Variants in ZNF236 observed in about 807,000 individuals in gnomAD.
The protein encoded by ZNF236 is regulated by glucose.
A neutral mutation model predicts 191.2 loss-of-function variants in ZNF236; 50 were observed. The ratio of observed to expected loss-of-function variants is 0.26; its 90% confidence interval spans 0.21 to 0.33. The LOEUF (loss-of-function observed/expected upper bound fraction) is 0.33, where lower values mean the gene tolerates loss of function less well. ZNF236 is among the 10% of genes least tolerant of loss of function. The pLI is 1.00. For missense variants in ZNF236, 1,754 were observed against 2,374.5 expected (o/e 0.74, Z 5.43); for synonymous variants, 907 against 928.8 (o/e 0.98, Z 0.43).
intron 27 of ZNF236, among the ~76,000 whole-genome samples, chr18:76,949,661 CTTTT>C (rs779360324): frequency 1.4e-5 from 2 of 141,720 alleles, no homozygotes. Flanking sequence ...CATTATTTCT[CTTTT>C]TTTTTTTTTT....
chr18:76,905,975 G>A (rs796757079), intron 13 of ZNF236, among the ~76,000 whole-genome samples: 3 of 152,334 alleles, frequency 2.0e-5, no homozygotes, highest in African/African-American at 7.2e-5. Context: ...CCTATTCGAT[G>A]AGTATTTCTG....
intron 3 of ZNF236, among the ~76,000 whole-genome samples, chr18:76,867,404 CAT>C (rs1029900169): frequency 9.2e-5 from 14 of 151,982 alleles, no homozygotes; most frequent in African/African-American, 3.1e-4. Context: ...TTTCTCAAAA[CAT>C]TTCACTTTTC....
At chr18:76,852,938 A>G (rs1195060168) in intron 3 of ZNF236, among the ~76,000 whole-genome samples, 1 of 152,188 alleles carries the variant, frequency 6.6e-6, no homozygotes, top group Non-Finnish European at 1.5e-5. Context: ...GAGGCAATGA[A>G]CTGCAACTCC....
intron 26 of ZNF236, among the ~76,000 whole-genome samples, chr18:76,941,165 T>C (rs548329970): frequency 6.6e-5 from 10 of 152,222 alleles, no homozygotes; most frequent in Non-Finnish European, 1.2e-4. Flanking sequence ...CCAGGAGCCT[T>C]GTGAGCGGGC....
chr18:76,862,347 C>G (rs1395012142), intron 3 of ZNF236, among the ~76,000 whole-genome samples: 2 of 152,150 alleles, frequency 1.3e-5, no homozygotes, highest in Non-Finnish European at 2.9e-5. Context: ...CAATGAAATG[C>G]CAACTGAAAA....
At chr18:76,854,141 T>C (rs1006938190) in intron 3 of ZNF236, among the ~76,000 whole-genome samples, 2 of 152,190 alleles carry the variant, frequency 1.3e-5, no homozygotes, top group African/African-American at 4.8e-5. Flanking sequence ...CCTCAGCATA[T>C]ACCAAAACAT....
intron 20 of ZNF236, among the ~76,000 whole-genome samples, chr18:76,922,710 C>T (rs904057374): frequency 6.6e-6 from 1 of 152,188 alleles, no homozygotes; most frequent in African/African-American, 2.4e-5. Flanking sequence ...GCGCCTGCCA[C>T]CACTCCCTGT....
chr18:76,905,452 T>C (rs1339591560), intron 13 of ZNF236, 37 bp downstream of exon 13: 1 of 1,600,778 alleles, frequency 6.2e-7, no homozygotes, highest in Admixed American at 1.7e-5. Context: ...TTATCATCTT[T>C]ATAATTTCCA....
Position 76,871,757 on chromosome 18 carries a change from C to T in ZNF236, c.599C>T (p.Ser200Leu), listed in dbSNP as rs1373022142. 4.3e-6 allele frequency: 7 copies of T among 1,614,074 alleles called. No homozygotes were observed. Among genetic ancestry groups the T allele is most frequent in the African/African-American group, 1.3e-5 (1 of 74,918 alleles). The change falls in exon 5 of 31, where the codon TCG (serine) becomes TTG (leucine). Residue 200 changes from serine to leucine, a missense_variant. By Grantham distance (145) the Ser-to-Leu change is moderately radical (BLOSUM62 -2). Transcript: ENST00000320610. ...ATCGACAGAAGTGGATTCACGTATTCGTGTCCGCACTGTGGAAAGACGTTT... is the reference window on the plus strand; with the variant it reads ...ATCGACAGAAGTGGATTCACGTATTTGTGTCCGCACTGTGGAAAGACGTTT... ...RNIDRSGFTY[S>L]CPHCGKTFQK...
Position 76,919,665 on chromosome 18 carries a change from G to C in ZNF236, c.3275-111G>C, listed in dbSNP as rs554324145. 2.1e-4 allele frequency: 276 copies of C among 1,289,826 alleles called. No individual in the cohort carries two copies. In the African/African-American group the frequency reaches 3.8e-3, roughly 18 times the overall value. 79.9% of individuals were successfully genotyped at this position (1,289,826 alleles called of 1,614,324 possible). A position where few individuals can be genotyped will look rare whatever the true frequency, so the allele number is the denominator to read the frequency against. On this transcript the variant is annotated intron_variant, in intron 19 of 30. Transcript: ENST00000320610. The surrounding 1 kb of genome is among the most constrained non-coding windows in gnomAD (Gnocchi z 5.3). ...TCTCTACCATCATAAAAATAGCTTG[G>C]TTGAGTTATTAATTTTCATTACATA... is the stretch of plus-strand genomic sequence containing the variant.
chr18:76,836,298 G>A (rs1599314158), intron 1 of ZNF236, among the ~76,000 whole-genome samples: 1 of 151,626 alleles, frequency 6.6e-6, no homozygotes, highest in Non-Finnish European at 1.5e-5. Flanking sequence ...ATAGCTCACT[G>A]CAGCCCCAAA....
intron 3 of ZNF236, among the ~76,000 whole-genome samples, chr18:76,862,047 TAGAGATGGG>T (rs1976251596): frequency 2.0e-5 from 3 of 152,024 alleles, no homozygotes; most frequent in African/African-American, 7.2e-5. Flanking sequence ...GTATTTTTAG[TAGAGATGGG>T]ATTTCACTGT....
chr18:76,939,755 G>A (rs1245791500), intron 26 of ZNF236, among the ~76,000 whole-genome samples: 1 of 152,162 alleles, frequency 6.6e-6, no homozygotes, highest in Non-Finnish European at 1.5e-5. Context: ...TTGGGAACTC[G>A]GTGGGCGACC....
chr18:76,864,223 A>G (rs1407807505), intron 3 of ZNF236, among the ~76,000 whole-genome samples: 2 of 146,052 alleles, frequency 1.4e-5, no homozygotes, highest in African/African-American at 2.6e-5. Flanking sequence ...TTTTTAAGAC[A>G]GAGTCTCACT....
Position 76,968,589 on chromosome 18 carries a change from C to G in ZNF236, c.*250C>G. 1 of 1,251,418 alleles carries G rather than the reference C, an allele frequency of 8.0e-7. No homozygotes were observed. Among genetic ancestry groups the G allele is most frequent in the Non-Finnish European group, 1.0e-6 (1 of 999,098 alleles). 77.5% of individuals were successfully genotyped at this position (1,251,418 alleles called of 1,614,324 possible). ...AGGTACTACTGTAGGCAGTTTCCTC[C>G]TCAGTCTCCTCCGTGGCTAGTGTGT... is the stretch of plus-strand genomic sequence containing the variant. On this transcript the variant is annotated 3_prime_UTR_variant, in exon 31 of 31. Transcript: ENST00000320610.
At chr18:76,903,306 G>A (rs1977652535) in intron 11 of ZNF236, among the ~76,000 whole-genome samples, 1 of 152,158 alleles carries the variant, frequency 6.6e-6, no homozygotes, top group Admixed American at 6.5e-5. Flanking sequence ...ACTGGCAAAT[G>A]CCGAGTACAG....
rs552002671 is a variant in ZNF236, at chr18:76,893,163, A to T, written c.1418-1850A>T. Reference sequence around the variant, plus strand: ...ATAGTTTTATTTTGGTTTGGAAAAAAATCTGATTTCTGGGGAATGGTGTCC... The same window carrying T: ...ATAGTTTTATTTTGGTTTGGAAAAATATCTGATTTCTGGGGAATGGTGTCC... On this transcript the variant is annotated intron_variant, in intron 9 of 30. Coordinates refer to ENST00000320610, the MANE Select transcript of ZNF236 (RefSeq NM_001306089.2). Among the ~76,000 whole-genome samples, 28 of 152,318 alleles carry T rather than the reference A, an allele frequency of 1.8e-4. No homozygotes were observed. In the South Asian group the frequency reaches 1.9e-3, roughly 10 times the overall value.
chr18:76,932,912 C>T (rs181216920), intron 25 of ZNF236, among the ~76,000 whole-genome samples: 18 of 152,298 alleles, frequency 1.2e-4, no homozygotes, highest in East Asian at 1.9e-4. Context: ...TCTAGCTGCC[C>T]GCGTTTCTTT....
chr18:76,832,455 T>C (rs1975198895), intron 1 of ZNF236, among the ~76,000 whole-genome samples: 1 of 152,158 alleles, frequency 6.6e-6, no homozygotes. Flanking sequence ...TTTTTTTTTT[T>C]TTACACATAT....
Sources: allele counts gnomAD v4.1 joint callset (sites outside exome capture counted in the v4.1 genomes callset), GRCh38; gene constraint gnomAD v4.1.1; non-coding constraint Gnocchi (gnomAD v3.1); transcripts MANE v1.5; gene names NCBI Gene and HGNC (gene_info 2026-07-23, HGNC 2026-07-21).